ALDH5A1: variants seen among roughly 807,000 people sequenced by gnomAD.
ALDH5A1 encodes aldehyde dehydrogenase 5 family member A1, also known as succinate-semialdehyde dehydrogenase, mitochondrial.
A neutral mutation model predicts 54.7 loss-of-function variants in ALDH5A1; 33 were observed. That is an observed-to-expected ratio of 0.60 (90% CI 0.46 to 0.81). The LOEUF is 0.81. Among genes scored for constraint, ALDH5A1 ranks in the 30% least tolerant of loss-of-function variants. The probability of loss-of-function intolerance (pLI) is 0.00; values close to 1 mark genes in which losing one functional copy is unlikely to be tolerated. For synonymous variants in ALDH5A1, 294 were observed against 292.7 expected (o/e 1.00, Z -0.05); for missense variants, 657 against 711.0 (o/e 0.92, Z 0.86).
intron 4 of ALDH5A1, among the ~76,000 whole-genome samples, chr6:24,506,679 G>T (rs1759365381): frequency 6.6e-6 from 1 of 152,084 alleles, no homozygotes; most frequent in South Asian, 2.1e-4. Flanking sequence ...TCACCAATGT[G>T]CCTATTGAAA....
At chr6:24,497,737 T>C (rs557705671) in intron 1 of ALDH5A1, among the ~76,000 whole-genome samples, 3 of 152,210 alleles carry the variant, frequency 2.0e-5, no homozygotes, top group East Asian at 3.9e-4. Context: ...GAGGAGGTCA[T>C]AGGGAGAAGG....
At chr6:24,528,810 TG>T (rs1301734000) in intron 8 of ALDH5A1, among the ~76,000 whole-genome samples, 3 of 150,644 alleles carry the variant, frequency 2.0e-5, no homozygotes, top group South Asian at 2.1e-4. Flanking sequence ...TCCGAGTAGC[TG>T]GGACTACAGG....
At chr6:24,528,566 G>C (rs1030286917) in intron 8 of ALDH5A1, among the ~76,000 whole-genome samples, 1 of 152,054 alleles carries the variant, frequency 6.6e-6, no homozygotes, top group Non-Finnish European at 1.5e-5. Context: ...GTTTCACCAT[G>C]TTGGCCAGGC....
rs372455508 is a variant in ALDH5A1, at chr6:24,503,349, C to T, written c.525C>T (p.Tyr175=). 37 of 1,613,996 alleles carry T rather than the reference C, an allele frequency of 2.3e-5. No individual in the cohort carries two copies. The African/African-American group carries it at 3.1e-4, about 13-fold the overall frequency. Residue 175 remains tyrosine, a synonymous_variant, in exon 3 of 10, where the codon TAC becomes TAT. Coordinates refer to ENST00000357578, the MANE Select transcript of ALDH5A1 (RefSeq NM_001080.3). The stretch of plus-strand genomic sequence containing the variant: ...TCTCTGAGGAAGCCCGCCGTGTTTA[C>T]GGAGACATTATCCACACCCCGGCAA... ...EWFSEEARRV[Y]GDIIHTPAKD... is the part of the protein sequence containing the mutation.
rs1430619086 is a variant in ALDH5A1, at chr6:24,509,759, T to C, written c.726+4774T>C. On this transcript the variant is annotated intron_variant, in intron 4 of 9. Coordinates refer to ENST00000357578, the MANE Select transcript of ALDH5A1 (RefSeq NM_001080.3). The surrounding 1 kb of genome is among the most constrained non-coding windows in gnomAD (Gnocchi z 4.7). ...TTTATCTTTTCAAAGAACCAGCTTT[T>C]TGTATCATTTATATTTTGTATTTTT... is the stretch of plus-strand genomic sequence containing the variant. Among the ~76,000 whole-genome samples the C allele has an allele frequency of 2.0e-5, 3 of 152,216 alleles. No homozygotes were observed. Among genetic ancestry groups the C allele is most frequent in the Admixed American group, 2.0e-4 (3 of 15,282 alleles).
intron 4 of ALDH5A1, chr6:24,511,850 T>G: frequency 1.7e-6 from 1 of 575,892 alleles, no homozygotes; most frequent in Non-Finnish European, 3.2e-6. Flanking sequence ...GATTTCTTCT[T>G]GATTTGGATC....
At chr6:24,520,651 T>TGC in intron 6 of ALDH5A1, 107 bp downstream of exon 6, 1 of 1,262,762 alleles carries the variant, frequency 7.9e-7, no homozygotes, top group Non-Finnish European at 1.1e-6. Context: ...TGTGTGTGCG[T>TGC]GTGTGTGTGT....
Position 24,533,598 on chromosome 6 carries a change from C to T in ALDH5A1, c.1494C>T (p.Ser498=). The change falls in exon 10 of 10, where the codon TCC becomes TCT. Residue 498 remains serine, a synonymous_variant. Coordinates refer to ENST00000357578, the MANE Select transcript of ALDH5A1 (RefSeq NM_001080.3). ...GMVGVNEGLI[S]SVECPFGGVK... is the part of the protein sequence containing the mutation. ...TTGGCGTCAACGAAGGATTAATTTC[C>T]TCTGTGGAGTGCCCTTTTGGTGGAG... 6.2e-7 allele frequency: 1 copy of T among 1,614,106 alleles called. No individual in the cohort carries two copies. The highest frequency in any genetic ancestry group is 8.5e-7 in the Non-Finnish European group (1 of 1,180,024).
In ALDH5A1 at chr6:24,504,990, G is replaced by A; in HGVS notation, c.726+5G>A. On this transcript the variant is annotated splice_donor_5th_base_variant and intron_variant, in intron 4 of 9. Transcript: ENST00000357578. ...TCCGCCCTGGCCCTGGCTGAGGTGA[G>A]CCGCTCTCCCTGTGTTTGTACAAAG... 1 of 1,613,308 alleles carries A rather than the reference G, an allele frequency of 6.2e-7. No homozygotes were observed. The highest frequency in any genetic ancestry group is 8.5e-7 in the Non-Finnish European group (1 of 1,179,268).
At chr6:24,527,345 G>A (rs747789668) in intron 7 of ALDH5A1, among the ~76,000 whole-genome samples, 3 of 152,032 alleles carry the variant, frequency 2.0e-5, no homozygotes, top group Admixed American at 6.6e-5. Flanking sequence ...AGGCCAAGGC[G>A]GGTGAATCAC....
intron 5 of ALDH5A1, among the ~76,000 whole-genome samples, chr6:24,517,084 G>A (rs1273642588): frequency 6.6e-6 from 1 of 152,042 alleles, no homozygotes; most frequent in African/African-American, 2.4e-5. Flanking sequence ...TTGGCTAACT[G>A]TAACCTCTGC....
Position 24,533,872 on chromosome 6 carries a change from G to C in ALDH5A1, c.*160G>C, listed in dbSNP as rs780199449. On this transcript the variant is annotated 3_prime_UTR_variant, in exon 10 of 10. Transcript: ENST00000357578. ...TTAAACAGATGCAAATCCTACCCCTGCCCTTAATGTAACTAGGGACCAATA... is the reference window on the plus strand; with the variant it reads ...TTAAACAGATGCAAATCCTACCCCTCCCCTTAATGTAACTAGGGACCAATA... 2 of 709,020 alleles carry C rather than the reference G, an allele frequency of 2.8e-6. No homozygotes were observed. Among genetic ancestry groups the C allele is most frequent in the Non-Finnish European group, 4.6e-6 (2 of 433,940 alleles). The allele number at this position is 709,020 out of a possible 1,614,324, so 43.9% of individuals were successfully genotyped here. A position where few individuals can be genotyped will look rare whatever the true frequency, so the allele number is the denominator to read the frequency against.
chr6:24,522,836 G>C lies in ALDH5A1; in HGVS notation c.1084G>C (p.Glu362Gln). The C allele has an allele frequency of 2.5e-6, 4 of 1,614,118 alleles. No individual in the cohort carries two copies. Among genetic ancestry groups the C allele is most frequent in the Non-Finnish European group, 3.4e-6 (4 of 1,180,028 alleles). Residue 362 changes from glutamate (E) to glutamine (Q), a missense_variant, in exon 7 of 10, where the codon GAG becomes CAG. Physicochemically the swap from Glu to Gln is conservative, Grantham distance 29 (BLOSUM62 2). Coordinates refer to ENST00000357578, the MANE Select transcript of ALDH5A1 (RefSeq NM_001080.3). ...IHDAFVKAFA[E>Q]AMKKNLRVGN... ...TGATGCCTTTGTAAAAGCATTCGCC[G>C]AGGCCATGAAGAAGAACCTGCGCGT...
chr6:24,516,360 C>T (rs1340877089), intron 5 of ALDH5A1, among the ~76,000 whole-genome samples: 4 of 141,462 alleles, frequency 2.8e-5, no homozygotes, highest in Non-Finnish European at 6.0e-5. Context: ...GGTGTGAACC[C>T]AGGAGGCGGA....
At chr6:24,515,121 T>TTC in intron 4 of ALDH5A1, 46 bp from the exon 5 acceptor site, 2 of 1,493,546 alleles carry the variant, frequency 1.3e-6, no homozygotes, top group Non-Finnish European at 1.8e-6. Flanking sequence ...TTTTTTTTTT[T>TTC]CAGTTTGGTA....
rs111245798 is a variant in ALDH5A1, at chr6:24,499,976, C to CTG, written c.355-2533_355-2532dup. Among the ~76,000 whole-genome samples, 1,509 of 151,324 alleles carry CTG rather than the reference C, an allele frequency of 1.0e-2. 8 individuals are homozygous for CTG. Among genetic ancestry groups the CTG allele is most frequent in the Non-Finnish European group, 0.013 (878 of 67,810 alleles). The stretch of plus-strand genomic sequence containing the variant: ...GCCCAGCCCCACACTCAGATAATTT[C>CTG]TGTGTGTGTGTGTGTAGAGACAGAT... On this transcript the variant is annotated intron_variant, in intron 1 of 9. Coordinates refer to ENST00000357578, the MANE Select transcript of ALDH5A1 (RefSeq NM_001080.3).
chr6:24,496,213 GT>G, intron 1 of ALDH5A1, among the ~76,000 whole-genome samples: 1 of 152,294 alleles, frequency 6.6e-6, no homozygotes, highest in Non-Finnish European at 1.5e-5. Context: ...ACTGTTGGAG[GT>G]GCTTGGGATA....
rs1019718295 is a variant in ALDH5A1, at chr6:24,536,686, G to C, written c.*2974G>C. 1.3e-5 allele frequency: 2 copies of C among 152,216 alleles called. No individual in the cohort carries two copies. The highest frequency in any genetic ancestry group is 2.9e-5 in the Non-Finnish European group (2 of 68,048). 9.4% of individuals were successfully genotyped at this position (152,216 alleles called of 1,614,324 possible). On this transcript the variant is annotated 3_prime_UTR_variant, in exon 10 of 10. Transcript: ENST00000357578. ...GTACATGAAATTAGCCACGTAACAAGAGTCTATTTGCCTTGAAAAAACAAT... is the reference window on the plus strand; with the variant it reads ...GTACATGAAATTAGCCACGTAACAACAGTCTATTTGCCTTGAAAAAACAAT...
chr6:24,512,730 C>T (rs1759481914), intron 4 of ALDH5A1, among the ~76,000 whole-genome samples: 1 of 152,086 alleles, frequency 6.6e-6, no homozygotes, highest in Non-Finnish European at 1.5e-5. Context: ...ACTCTTGTTG[C>T]CCAGGCTGGA....
Sources: allele counts gnomAD v4.1 joint callset (sites outside exome capture counted in the v4.1 genomes callset), GRCh38; gene constraint gnomAD v4.1.1; non-coding constraint Gnocchi (gnomAD v3.1); transcripts MANE v1.5; gene names NCBI Gene and HGNC (gene_info 2026-07-23, HGNC 2026-07-21).